RASGRP2: variants seen among roughly 807,000 people sequenced by gnomAD.
The protein encoded by RASGRP2 is RAS guanyl-releasing protein 2.
Under a neutral mutation model 71.0 loss-of-function variants are expected in RASGRP2, and 44 were observed. The observed-to-expected ratio is 0.62, with a 90% CI of 0.49 to 0.80. The LOEUF (loss-of-function observed/expected upper bound fraction) is 0.80, where lower values mean the gene tolerates loss of function less well. Among genes scored for constraint, RASGRP2 ranks in the 30% least tolerant of loss-of-function variants. The pLI, the probability that RASGRP2 is intolerant of heterozygous loss-of-function variation, is 0.00. For synonymous variants in RASGRP2, 350 were observed against 330.7 expected (o/e 1.06, Z -0.63); for missense variants, 663 against 813.4 (o/e 0.82, Z 2.25).
In RASGRP2 at chr11:64,730,133, C is replaced by G. The variant is rs771647146; in HGVS notation, c.1474G>C (p.Gly492Arg). Reference sequence around the variant, plus strand: ...TTGTGTACGAAGCCCATGCGCCCCCCCAACACAGAGCTGGAGCGCAGGAAA... The same window carrying G: ...TTGTGTACGAAGCCCATGCGCCCCCGCAACACAGAGCTGGAGCGCAGGAAA... ...SYFLRSSSVL[G>R]GRMGFVHNFQ... Residue 492 changes from glycine to arginine, a missense_variant, in exon 13 of 17, where the codon GGG becomes CGG. Coordinates refer to ENST00000394432, the MANE Select transcript of RASGRP2 (RefSeq NM_001098671.2). The G allele has an allele frequency of 7.7e-6, 12 of 1,551,476 alleles. No homozygotes were observed. The highest frequency in any genetic ancestry group is 1.7e-4 in the Middle Eastern group (1 of 5,858).
chr11:64,727,218 C>T, intron 16 of RASGRP2, 78 bp downstream of exon 16: 2 of 1,318,680 alleles, frequency 1.5e-6, no homozygotes, highest in Non-Finnish European at 2.2e-6. Context: ...TTGGATAAAG[C>T]ACCCATTTCC....
rs555632421 is a variant in RASGRP2 at position 64,730,047 on chromosome 11, T to G, written c.1554+6A>C. The G allele has an allele frequency of 3.2e-6, 5 of 1,550,586 alleles. No homozygotes were observed. The South Asian group carries it at 5.9e-5, about 18-fold the overall frequency. On this transcript the variant is annotated splice_donor_region_variant and intron_variant, in intron 13 of 16. Transcript: ENST00000394432. ...TTGGGCCGTGAGCCGGGAAAGGGAC[T>G]CTCACCAGGGCTTTGCAGTGGCGGC...
At chr11:64,740,529 C>A (rs1013207185) in intron 5 of RASGRP2, 10 of 636,742 alleles carry the variant, frequency 1.6e-5, no homozygotes, top group African/African-American at 3.6e-5. Context: ...GGAGTCTGTA[C>A]AAAGTGCCAT....
At chr11:64,729,642 C>T in intron 14 of RASGRP2, 120 bp downstream of exon 14, 2 of 1,277,486 alleles carry the variant, frequency 1.6e-6, no homozygotes, top group Non-Finnish European at 2.3e-6. Context: ...CGGCCATGCG[C>T]CTCTGATTTT....
In RASGRP2 at chr11:64,742,727, G is replaced by A. The variant is rs2058171760; in HGVS notation, c.73+67C>T. On this transcript the variant is annotated intron_variant, in intron 2 of 16. Coordinates refer to ENST00000394432, the MANE Select transcript of RASGRP2 (RefSeq NM_001098671.2). This position sits in a 1 kb window ranked among gnomAD's most constrained non-coding sequence, Gnocchi z 4.7. The stretch of plus-strand genomic sequence containing the variant: ...GGGCTGTGCCCTGGACTGTGCCTGG[G>A]AGGCAGGGACCCGGGCTCAGACTCG... 2 of 1,553,368 alleles carry A rather than the reference G, an allele frequency of 1.3e-6. No individual in the cohort carries two copies. Among genetic ancestry groups the A allele is most frequent in the African/African-American group, 1.4e-5 (1 of 73,630 alleles).
chr11:64,727,232 A>AT (rs2057591562), intron 16 of RASGRP2, 64 bp downstream of exon 16: 1 of 1,474,554 alleles, frequency 6.8e-7, no homozygotes, highest in South Asian at 1.1e-5. Flanking sequence ...CATTTCCCTG[A>AT]TACTCCCCAG....
chr11:64,743,475 AGCCCCCAGGG>A lies in RASGRP2; in HGVS notation c.-72+518_-72+527del. ...CAGGAAGGCGAGGCGGGGCTGCGGC[AGCCCCCAGGG>A]GGCCTGCCCTAGGGGAGGCGGACTG... On this transcript the variant is annotated intron_variant, in intron 1 of 16. Transcript: ENST00000394432. The surrounding 1 kb of genome is among the most constrained non-coding windows in gnomAD (Gnocchi z 4.9). 3 of 349,842 alleles carry A rather than the reference AGCCCCCAGGG, an allele frequency of 8.6e-6. No individual in the cohort carries two copies. The highest frequency in any genetic ancestry group is 6.2e-5 in the South Asian group (3 of 48,130). 21.7% of individuals were successfully genotyped at this position (349,842 alleles called of 1,614,324 possible).
chr11:64,742,052 C>G lies in RASGRP2; in HGVS notation c.134G>C (p.Trp45Ser), dbSNP rs754787747. The change falls in exon 3 of 17, where the codon TGG (tryptophan) becomes TCG (serine). Residue 45 changes from tryptophan (W) to serine (S), a missense_variant. Coordinates refer to ENST00000394432, the MANE Select transcript of RASGRP2 (RefSeq NM_001098671.2). This position sits in a 1 kb window ranked among gnomAD's most constrained non-coding sequence, Gnocchi z 4.7. ...CGCCAGCTGAGAGGAGGGGATGTACCAGGGGTGCATCATGAGGAACATGCG... is the reference window on the plus strand; with the variant it reads ...CGCCAGCTGAGAGGAGGGGATGTACGAGGGGTGCATCATGAGGAACATGCG... ...LVRMFLMMHPWYIPSSQLAAK... is the reference protein window; with the variant it reads ...LVRMFLMMHPSYIPSSQLAAK... 1.2e-6 allele frequency: 2 copies of G among 1,612,016 alleles called. No homozygotes were observed. The highest frequency in any genetic ancestry group is 2.2e-5 in the South Asian group (2 of 90,706).
Position 64,742,104 on chromosome 11 carries a change from C to T in RASGRP2, c.82G>A (p.Gly28Arg). 1 of 1,594,396 alleles carries T rather than the reference C, an allele frequency of 6.3e-7. No homozygotes were observed. Among genetic ancestry groups the T allele is most frequent in the South Asian group, 1.1e-5 (1 of 88,190 alleles). ...RGCIEAFDDS[G>R]KVRDPQLVRM... ...ACCAGCTGCGGGTCCCGCACCTTCC[C>T]GGAGTCATCTGACTCCGAAGGGTCA... Residue 28 changes from glycine to arginine, a missense_variant, in exon 3 of 17, where the codon GGG (glycine) becomes AGG (arginine). Coordinates refer to ENST00000394432, the MANE Select transcript of RASGRP2 (RefSeq NM_001098671.2). The surrounding 1 kb of genome is among the most constrained non-coding windows in gnomAD (Gnocchi z 4.7).
upstream of RASGRP2, chr11:64,744,248 GCCCCAGCTCCCT>G: frequency 5.1e-6 from 5 of 985,738 alleles, no homozygotes; most frequent in Non-Finnish European, 6.0e-6. Flanking sequence ...CCGCCCTGCG[GCCCCAGCTCCCT>G]GACTCCCCTC....
Position 64,736,762 on chromosome 11 carries a change from G to A in RASGRP2, c.1086C>T (p.Ser362=). 6.3e-7 allele frequency: 1 copy of A among 1,588,906 alleles called. No homozygotes were observed. The highest frequency in any genetic ancestry group is 1.1e-5 in the South Asian group (1 of 87,884). ...GCCCCCTGCTCCTCACCGTGAGCAG[G>A]CTCAGCAGGTCGGGGTTGGCCTGTA... ...PPVQANPDLL[S]LLTVSLDQYQ... is the part of the protein sequence containing the mutation. The change falls in exon 9 of 17, where the codon AGC becomes AGT. Residue 362 remains serine, a synonymous_variant. Coordinates refer to ENST00000394432, the MANE Select transcript of RASGRP2 (RefSeq NM_001098671.2).
chr11:64,736,806 T>A lies in RASGRP2; in HGVS notation c.1042A>T (p.Thr348Ser). The A allele has an allele frequency of 1.2e-6, 2 of 1,609,728 alleles. No individual in the cohort carries two copies. The highest frequency in any genetic ancestry group is 3.3e-5 in the Admixed American group (2 of 59,738). Residue 348 changes from threonine (T) to serine (S), a missense_variant, in exon 9 of 17, where the codon ACC becomes TCC. Physicochemically the swap from Thr to Ser is moderately conservative, Grantham distance 58. Transcript: ENST00000394432. The part of the protein sequence containing the change: ...FSILEELAMV[T>S]SLRPPVQANP... ...GCCTGTACTGGTGGCCGCAGGCTGG[T>A]CACCATGGCCAGCTCCTCCAGGATG...
Position 64,742,694 on chromosome 11 carries a change from C to A in RASGRP2, c.73+100G>T. 3.3e-6 allele frequency: 5 copies of A among 1,494,596 alleles called. No individual in the cohort carries two copies. The highest frequency in any genetic ancestry group is 4.5e-6 in the Non-Finnish European group (5 of 1,100,290). The allele number at this position is 1,494,596 out of a possible 1,614,324, so 92.6% of individuals were successfully genotyped here. ...CTGCACGCTGCGGAGCAGGGTGGGT[C>A]CGGGTCAGGGCTGTGCCCTGGACTG... On this transcript the variant is annotated intron_variant, in intron 2 of 16. Transcript: ENST00000394432. The surrounding 1 kb of genome is among the most constrained non-coding windows in gnomAD (Gnocchi z 4.7).
At position 64,742,589 on chromosome 11, in the gene RASGRP2, C is replaced by T. The variant is rs2058166299; in HGVS notation, c.73+205G>A. The T allele has an allele frequency of 5.7e-6, 4 of 695,878 alleles. No homozygotes were observed. Among genetic ancestry groups the T allele is most frequent in the Non-Finnish European group, 9.7e-6 (4 of 414,356 alleles). 43.1% of individuals were successfully genotyped at this position (695,878 alleles called of 1,614,324 possible). A position where few individuals can be genotyped will look rare whatever the true frequency, so the allele number is the denominator to read the frequency against. On this transcript the variant is annotated intron_variant, in intron 2 of 16. Coordinates refer to ENST00000394432, the MANE Select transcript of RASGRP2 (RefSeq NM_001098671.2). This position sits in a 1 kb window ranked among gnomAD's most constrained non-coding sequence, Gnocchi z 4.7. ...CTCCCTTCGCCGCCGCTGGGGAAGG[C>T]TAGAGAAGGGAAACCTCATCTGTCT...
chr11:64,728,761 A>G (rs1043943882), intron 15 of RASGRP2, 102 bp downstream of exon 15: 6 of 1,255,548 alleles, frequency 4.8e-6, no homozygotes, highest in Admixed American at 5.2e-5. Context: ...CCACCACAAA[A>G]AGAGAATTAT....
rs1483078211 is a variant in RASGRP2 at position 64,742,994 on chromosome 11, C to G, written c.-71-57G>C. ...GGAGTCGCGGGCGGGGGAGCGGCCCCGCGGGCAGAAACGGGGCGGGGCGGG... is the reference window on the plus strand; with the variant it reads ...GGAGTCGCGGGCGGGGGAGCGGCCCGGCGGGCAGAAACGGGGCGGGGCGGG... On this transcript the variant is annotated intron_variant, in intron 1 of 16. Coordinates refer to ENST00000394432, the MANE Select transcript of RASGRP2 (RefSeq NM_001098671.2). The surrounding 1 kb of genome is among the most constrained non-coding windows in gnomAD (Gnocchi z 4.7). The G allele has an allele frequency of 1.5e-5, 23 of 1,502,538 alleles. No individual in the cohort carries two copies. Among genetic ancestry groups the G allele is most frequent in the Non-Finnish European group, 2.0e-5 (23 of 1,128,762 alleles). 93.1% of individuals were successfully genotyped at this position (1,502,538 alleles called of 1,614,324 possible). A position where few individuals can be genotyped will look rare whatever the true frequency, so the allele number is the denominator to read the frequency against.
In RASGRP2 at chr11:64,742,653, G is replaced by A; in HGVS notation, c.73+141C>T. 9.0e-7 allele frequency: 1 copy of A among 1,106,284 alleles called. No individual in the cohort carries two copies. Among genetic ancestry groups the A allele is most frequent in the Non-Finnish European group, 1.3e-6 (1 of 755,154 alleles). 68.5% of individuals were successfully genotyped at this position (1,106,284 alleles called of 1,614,324 possible). ...CTCTCTGCCCTGCGTTGCGGAGGAG[G>A]CTTTCGTTAAAGAGACTGCACGCTG... On this transcript the variant is annotated intron_variant, in intron 2 of 16. Transcript: ENST00000394432. This position sits in a 1 kb window ranked among gnomAD's most constrained non-coding sequence, Gnocchi z 4.7.
chr11:64,742,399 A>C lies in RASGRP2; in HGVS notation c.74-287T>G. On this transcript the variant is annotated intron_variant, in intron 2 of 16. Transcript: ENST00000394432. This position sits in a 1 kb window ranked among gnomAD's most constrained non-coding sequence, Gnocchi z 4.7. ...GAGCCTGGGTTCCCCGGGGTCAAGA[A>C]TCCAGAGGTCATTTCCTGAGCGCTT... is the stretch of plus-strand genomic sequence containing the variant. 3.5e-6 allele frequency: 2 copies of C among 574,884 alleles called. No individual in the cohort carries two copies. Among genetic ancestry groups the C allele is most frequent in the East Asian group, 2.9e-5 (1 of 33,982 alleles). The allele number at this position is 574,884 out of a possible 1,614,324, so 35.6% of individuals were successfully genotyped here. A position where few individuals can be genotyped will look rare whatever the true frequency, so the allele number is the denominator to read the frequency against.
rs781543360 is a variant in RASGRP2, at chr11:64,740,969, C to T, written c.350G>A (p.Ser117Asn). The part of the protein sequence containing the change: ...LDQEGNRRHS[S>N]LIDIDSVPTY... ...GCACACGCTGTCTATGTCGATTAGGCTGCTGTGCCGTCGGTTCCCTTCTTG... is the reference window on the plus strand; with the variant it reads ...GCACACGCTGTCTATGTCGATTAGGTTGCTGTGCCGTCGGTTCCCTTCTTG... The change falls in exon 5 of 17, where the codon AGC becomes AAC. Residue 117 changes from serine (S) to asparagine (N), a missense_variant. Coordinates refer to ENST00000394432, the MANE Select transcript of RASGRP2 (RefSeq NM_001098671.2). The T allele has an allele frequency of 6.2e-7, 1 of 1,614,018 alleles. No homozygotes were observed. Among genetic ancestry groups the T allele is most frequent in the Non-Finnish European group, 8.5e-7 (1 of 1,180,000 alleles).
Sources: gnomAD v4.1 joint callset for allele counts on GRCh38, gnomAD v4.1.1 for gene constraint, Gnocchi (gnomAD v3.1) non-coding constraint, MANE v1.5 for transcripts, NCBI Gene and HGNC (gene_info 2026-07-23, HGNC 2026-07-21) for gene names.